Variants in SGCD observed in about 807,000 individuals in gnomAD.
SGCD encodes the protein sarcoglycan delta.
SGCD carries 18 observed loss-of-function variants against 36.6 expected under a neutral mutation model. The observed-to-expected ratio is 0.49, with a 90% CI of 0.34 to 0.73. The LOEUF (loss-of-function observed/expected upper bound fraction) is 0.73. Ranked by LOEUF, SGCD falls within the 30% of genes least tolerant of loss-of-function variation. The probability of loss-of-function intolerance (pLI) is 0.01; values close to 1 mark genes in which losing one functional copy is unlikely to be tolerated. For synonymous variants in SGCD, 133 were observed against 130.6 expected (o/e 1.02, Z -0.12); for missense variants, 387 against 346.7 (o/e 1.12, Z -0.92).
intron 1 of SGCD, among the ~76,000 whole-genome samples, chr5:155,889,252 C>G (rs1234461175): frequency 6.6e-6 from 1 of 151,916 alleles, no homozygotes; most frequent in East Asian, 1.9e-4. Context: ...TTTAAGTAAC[C>G]TCATATGATA....
intron 7 of SGCD, among the ~76,000 whole-genome samples, chr5:156,690,010 G>T (rs1367088199): frequency 6.6e-6 from 1 of 152,102 alleles, no homozygotes; most frequent in Non-Finnish European, 1.5e-5. Context: ...GTATGAAATG[G>T]CTATTTTCAA....
intron 4 of SGCD, among the ~76,000 whole-genome samples, chr5:156,588,129 T>A (rs1306500195): frequency 6.6e-6 from 1 of 151,908 alleles, no homozygotes; most frequent in Non-Finnish European, 1.5e-5. Flanking sequence ...CTTTAATTTA[T>A]GGCTTTAGTT....
chr5:156,555,376 CATTTT>C (rs1365078804), intron 4 of SGCD, among the ~76,000 whole-genome samples: 1 of 152,046 alleles, frequency 6.6e-6, no homozygotes, highest in Non-Finnish European at 1.5e-5. Context: ...ATCTTCAATC[CATTTT>C]GAGTTAATTT....
intron 3 of SGCD, among the ~76,000 whole-genome samples, chr5:156,368,566 G>A (rs1194113526): frequency 2.0e-5 from 3 of 152,158 alleles, no homozygotes; most frequent in Admixed American, 6.5e-5. Context: ...TTAAATGGCA[G>A]TACTTCTGGA....
chr5:156,738,428 T>C lies in SGCD; in HGVS notation c.576-19153T>C, dbSNP rs576762872. ...GCTTCTATTCACAGTTCAGAAGCCA[T>C]GTTAGGCTACTAAGGCACAGTATTT... On this transcript the variant is annotated intron_variant, in intron 7 of 8. Coordinates refer to ENST00000337851, the MANE Select transcript of SGCD (RefSeq NM_000337.6). 3.7e-4 allele frequency among the ~76,000 whole-genome samples: 56 copies of C among 152,346 alleles called. No homozygotes were observed. The South Asian group carries it at 0.011, about 30-fold the overall frequency.
chr5:156,048,466 A>G (rs1379571354), intron 1 of SGCD, among the ~76,000 whole-genome samples: 2 of 152,166 alleles, frequency 1.3e-5, no homozygotes, highest in South Asian at 2.1e-4. Flanking sequence ...CTATTTCTCC[A>G]CATCCTCTCC....
chr5:156,391,715 G>C (rs1262811640), intron 3 of SGCD, among the ~76,000 whole-genome samples: 2 of 152,146 alleles, frequency 1.3e-5, no homozygotes, highest in African/African-American at 4.8e-5. Flanking sequence ...TCTGCAGGGG[G>C]TCCTGAAACC....
At chr5:156,652,858 G>A (rs1379238288) in intron 7 of SGCD, among the ~76,000 whole-genome samples, 2 of 151,956 alleles carry the variant, frequency 1.3e-5, no homozygotes, top group East Asian at 3.9e-4. Flanking sequence ...ATGATCATAT[G>A]GTTTTTGTTT....
At chr5:156,592,292 A>G (rs1760755554) in intron 5 of SGCD, among the ~76,000 whole-genome samples, 1 of 152,094 alleles carries the variant, frequency 6.6e-6, no homozygotes, top group East Asian at 1.9e-4. Flanking sequence ...GAGGTCATTC[A>G]TTCATTCGTT....
intron 3 of SGCD, among the ~76,000 whole-genome samples, chr5:156,151,017 A>T (rs1273294417): frequency 1.3e-5 from 2 of 151,742 alleles, no homozygotes; most frequent in East Asian, 3.8e-4. Flanking sequence ...AAATTAAAAC[A>T]TTTCATTACT....
At chr5:156,632,571 C>G (rs1476500644) in intron 6 of SGCD, among the ~76,000 whole-genome samples, 1 of 152,102 alleles carries the variant, frequency 6.6e-6, no homozygotes, top group Admixed American at 6.6e-5. Flanking sequence ...GCTATATTTT[C>G]TAAGCCTAGT....
Position 156,149,577 on chromosome 5 carries a change from A to G in SGCD, c.-44+25558A>G, listed in dbSNP as rs78621449. Among the ~76,000 whole-genome samples, 101 of 152,290 alleles carry G rather than the reference A, an allele frequency of 6.6e-4. No individual in the cohort carries two copies. The East Asian group carries it at 0.016, about 24-fold the overall frequency. ...TGCTCACCTCTTCAGCCCTTGAAGA[A>G]CAGACTCTTTTACACTTCCTTATCT... On this transcript the variant is annotated intron_variant, in intron 3 of 9. Transcript: ENST00000517913.
At chr5:155,945,312 G>A (rs906161937) in intron 1 of SGCD, among the ~76,000 whole-genome samples, 2 of 152,148 alleles carry the variant, frequency 1.3e-5, no homozygotes, top group African/African-American at 4.8e-5. Flanking sequence ...CAATAGGGAA[G>A]GGAGAGAGAA....
At chr5:155,959,174 A>C (rs765579291) in intron 1 of SGCD, among the ~76,000 whole-genome samples, 1 of 152,194 alleles carries the variant, frequency 6.6e-6, no homozygotes, top group Non-Finnish European at 1.5e-5. Flanking sequence ...ATAATTTCTT[A>C]GTTTAACGTG....
intron 7 of SGCD, among the ~76,000 whole-genome samples, chr5:156,690,528 C>T (rs1423973279): frequency 6.6e-6 from 1 of 152,070 alleles, no homozygotes; most frequent in East Asian, 1.9e-4. Flanking sequence ...CTTACAGAAA[C>T]TCTGCCCAGG....
intron 3 of SGCD, among the ~76,000 whole-genome samples, chr5:156,207,728 T>C (rs1250894457): frequency 6.6e-6 from 1 of 152,146 alleles, no homozygotes; most frequent in Non-Finnish European, 1.5e-5. Flanking sequence ...ATAAAGAAGC[T>C]ACCACTTACC....
intron 1 of SGCD, among the ~76,000 whole-genome samples, chr5:155,879,940 A>G (rs768995847): frequency 1.3e-5 from 2 of 152,122 alleles, no homozygotes; most frequent in Non-Finnish European, 2.9e-5. Flanking sequence ...AGACAAAAAG[A>G]TTTTATTGTT....
At chr5:156,268,035 T>C (rs551432142) in intron 3 of SGCD, among the ~76,000 whole-genome samples, 97 of 152,300 alleles carry the variant, frequency 6.4e-4, no homozygotes, top group Middle Eastern at 3.4e-3. Flanking sequence ...CCCTTCTTTG[T>C]ATTCATGTGT....
chr5:156,207,705 T>C (rs17053347), intron 3 of SGCD, among the ~76,000 whole-genome samples: 9,783 of 152,186 alleles, frequency 0.064, 746 homozygotes, highest in African/African-American at 0.19. Flanking sequence ...CATAGAAATT[T>C]GAAAATGGTA....
Sources: allele counts gnomAD v4.1 joint callset (sites outside exome capture counted in the v4.1 genomes callset), GRCh38; gene constraint gnomAD v4.1.1; transcripts MANE v1.5; gene names NCBI Gene and HGNC (gene_info 2026-07-23, HGNC 2026-07-21).